PODNL1: variants seen among roughly 807,000 people sequenced by gnomAD.
The protein encoded by PODNL1 is podocan like 1.
A neutral mutation model predicts 45.1 loss-of-function variants in PODNL1; 50 were observed. The ratio of observed to expected loss-of-function variants is 1.11; its 90% CI spans 0.88 to 1.40. The LOEUF (loss-of-function observed/expected upper bound fraction) is 1.40. Among genes scored for constraint, PODNL1 ranks in the 40% most tolerant of loss-of-function variants. The pLI is 0.00. For synonymous variants in PODNL1, 406 were observed against 372.5 expected (o/e 1.09, Z -1.04); for missense variants, 788 against 793.3 (o/e 0.99, Z 0.08).
upstream of PODNL1, among the ~76,000 whole-genome samples, chr19:13,938,781 C>T (rs2066883824): frequency 6.6e-6 from 1 of 151,984 alleles, no homozygotes; most frequent in African/African-American, 2.4e-5. Flanking sequence ...TGGCCACAGC[C>T]GCCTGGAAGG....
upstream of PODNL1, among the ~76,000 whole-genome samples, chr19:13,939,527 G>T (rs1311018997): frequency 6.6e-6 from 1 of 152,054 alleles, no homozygotes; most frequent in African/African-American, 2.4e-5. Flanking sequence ...GATCTCTTGA[G>T]GCCAGGAATT....
In PODNL1 at chr19:13,934,320, G is replaced by A; in HGVS notation, c.585C>T (p.Leu195=). The A allele has an allele frequency of 6.4e-7, 1 of 1,553,062 alleles. No individual in the cohort carries two copies. Among genetic ancestry groups the A allele is most frequent in the Non-Finnish European group, 8.7e-7 (1 of 1,154,168 alleles). ...RGSEAIATLS[L]SNNQLSYLPP... is the part of the protein sequence containing the mutation. Reference sequence around the variant, plus strand: ...GCAGGTAGCTGAGCTGGTTGTTGGAGAGGCTGAGGGTGGCGATGGCCTCGG... The same window carrying A: ...GCAGGTAGCTGAGCTGGTTGTTGGAAAGGCTGAGGGTGGCGATGGCCTCGG... Residue 195 remains leucine, a synonymous_variant, in exon 6 of 10, where the codon CTC becomes CTT. Transcript: ENST00000588872.
upstream of PODNL1, among the ~76,000 whole-genome samples, chr19:13,940,597 C>T (rs1475415017): frequency 3.2e-5 from 3 of 92,864 alleles, no homozygotes; most frequent in Non-Finnish European, 4.4e-5. Flanking sequence ...AAAAACTTAG[C>T]GGGGGCCAGG....
intron 1 of PODNL1, among the ~76,000 whole-genome samples, chr19:13,946,505 G>A (rs1257542083): frequency 6.6e-6 from 1 of 151,988 alleles, no homozygotes; most frequent in East Asian, 1.9e-4. Flanking sequence ...GCAATGAGGA[G>A]TTAGGACCAC....
At chr19:13,935,530 T>C (rs1242721220) in intron 5 of PODNL1, among the ~76,000 whole-genome samples, 191 bp downstream of exon 5, 1 of 152,140 alleles carries the variant, frequency 6.6e-6, no homozygotes, top group Non-Finnish European at 1.5e-5. Context: ...TTTCATCATG[T>C]TGGCCAGGCT....
intron 5 of PODNL1, among the ~76,000 whole-genome samples, chr19:13,935,471 C>A (rs545614947): frequency 6.6e-6 from 1 of 152,036 alleles, no homozygotes; most frequent in African/African-American, 2.4e-5. Context: ...GGATTACAGG[C>A]GCACACCACC....
chr19:13,932,147 C>T (rs1971988272), intron 8 of PODNL1, 35 bp from the exon 9 acceptor site: 1 of 1,234,518 alleles, frequency 8.1e-7, no homozygotes, highest in African/African-American at 1.6e-5. Context: ...TCGTGGCAGC[C>T]CCAGGCCTGG....
rs996186522 is a variant in PODNL1, at chr19:13,931,694, G to A, written c.*43C>T. ...TTGTCTCCTCAGTCCACGGCCCAGC[G>A]GAGTCCCAGGAGTCTGAGCTGCTCT... On this transcript the variant is annotated 3_prime_UTR_variant, in exon 10 of 10. Transcript: ENST00000588872. 4.1e-5 allele frequency: 51 copies of A among 1,231,278 alleles called. No homozygotes were observed. Among genetic ancestry groups the A allele is most frequent in the East Asian group, 1.6e-4 (5 of 31,700 alleles). The allele number at this position is 1,231,278 out of a possible 1,614,324, so 76.3% of individuals were successfully genotyped here.
Position 13,936,382 on chromosome 19 carries a change from GGTT to G in PODNL1, c.301_303del (p.Asn101del), listed in dbSNP as rs756877773. 8 of 1,612,920 alleles carry G rather than the reference GGTT, an allele frequency of 5.0e-6. No individual in the cohort carries two copies. The highest frequency in any genetic ancestry group is 6.8e-6 in the Non-Finnish European group (8 of 1,179,172). On this transcript the variant is annotated inframe_deletion, in exon 3 of 10. Coordinates refer to ENST00000588872, the MANE Select transcript of PODNL1 (RefSeq NM_001370095.3). ...GCCCCCTCACCTTCGGAGGAGATGA[GGTT>G]GTTGTGGAGGTTGAGGGTTCGCAGG...
rs1451193791 is a variant in PODNL1 at position 13,932,936 on chromosome 19, C to T, written c.1287G>A (p.Leu429=). The change falls in exon 8 of 10, where the codon CTG becomes CTA. Residue 429 remains leucine (L), a synonymous_variant. Transcript: ENST00000588872. ...GLPTGLRTLQ[L]QRNQLRMLEP... is the part of the protein sequence containing the mutation. ...CGAGCATCCGCAGCTGGTTGCGTTGCAGCTGCAGGGTGCGCAGGCCAGTGG... is the reference window on the plus strand; with the variant it reads ...CGAGCATCCGCAGCTGGTTGCGTTGTAGCTGCAGGGTGCGCAGGCCAGTGG... 5 of 1,569,242 alleles carry T rather than the reference C, an allele frequency of 3.2e-6. No individual in the cohort carries two copies. In the Admixed American group the frequency reaches 5.6e-5, roughly 18 times the overall value.
chr19:13,938,040 C>A, intron 1 of PODNL1, 34 bp from the exon 2 acceptor site: 1 of 1,469,002 alleles, frequency 6.8e-7, no homozygotes, highest in South Asian at 1.3e-5. Context: ...TGTCTCCAGG[C>A]TGGGCGCAGG....
chr19:13,945,905 T>G (rs1251617029), intron 1 of PODNL1, among the ~76,000 whole-genome samples: 1 of 148,322 alleles, frequency 6.7e-6, no homozygotes, highest in African/African-American at 2.5e-5. Flanking sequence ...AAAAACAAAC[T>G]TTTTAATTAG....
At chr19:13,938,578 G>C (rs1972535053), upstream of PODNL1, 1 of 600,046 alleles carries the variant, frequency 1.7e-6, no homozygotes, top group South Asian at 6.9e-5. Flanking sequence ...TGGAGGGATG[G>C]GGGGAGCTTC....
At chr19:13,934,039 AG>A in intron 6 of PODNL1, 46 bp from the exon 7 acceptor site, 1 of 1,526,812 alleles carries the variant, frequency 6.5e-7, no homozygotes, top group Non-Finnish European at 8.9e-7. Flanking sequence ...GGATGAGGGC[AG>A]CGGGAAGCCA....
rs1971972390 is a variant in PODNL1 at position 13,931,960 on chromosome 19, G to T, written c.1574+4C>A. The T allele has an allele frequency of 2.4e-6, 3 of 1,232,308 alleles. No homozygotes were observed. Among genetic ancestry groups the T allele is most frequent in the African/African-American group, 3.1e-5 (2 of 64,534 alleles). 76.3% of individuals were successfully genotyped at this position (1,232,308 alleles called of 1,614,324 possible). A position where few individuals can be genotyped will look rare whatever the true frequency, so the allele number is the denominator to read the frequency against. ...CTCCACCCCTCCGGTCACCCTCGGG[G>T]CACCTGAGGAAGAGGGCACGCAGGC... On this transcript the variant is annotated splice_donor_region_variant and intron_variant, in intron 9 of 9. Transcript: ENST00000588872.
chr19:13,931,908 G>A, intron 9 of PODNL1, 21 bp from the exon 10 acceptor site: 1 of 1,232,048 alleles, frequency 8.1e-7, no homozygotes. Flanking sequence ...AGGCGGTCAT[G>A]ACCCTCCCAG....
rs1023772517 is a variant in PODNL1, at chr19:13,934,594, G to C, written c.495-184C>G. 5.9e-5 allele frequency among the ~76,000 whole-genome samples: 9 copies of C among 152,138 alleles called. No individual in the cohort carries two copies. In the South Asian group the frequency reaches 8.3e-4, roughly 14 times the overall value. On this transcript the variant is annotated intron_variant, in intron 5 of 9. Coordinates refer to ENST00000588872, the MANE Select transcript of PODNL1 (RefSeq NM_001370095.3). Reference sequence around the variant, plus strand: ...TGTGTGCATGTGACTGTGCGTAGGTGTGCAGGTGAGTGTGCATGTGTGTTG... The same window carrying C: ...TGTGTGCATGTGACTGTGCGTAGGTCTGCAGGTGAGTGTGCATGTGTGTTG...
In PODNL1 at chr19:13,933,367, G is replaced by T; in HGVS notation, c.856C>A (p.His286Asn). Reference protein sequence around the residue: ...AGLPRTLAILHLGRNRIRQVE... With the variant: ...AGLPRTLAILNLGRNRIRQVE... ...TGCCGGATGCGGTTGCGGCCCAGGT[G>T]CAGGATAGCCAGGGTCCGGGGCAGG... Residue 286 changes from histidine (H) to asparagine (N), a missense_variant, in exon 8 of 10, where the codon CAC becomes AAC. Physicochemically the swap from His to Asn is moderately conservative, Grantham distance 68. Transcript: ENST00000588872. This position sits in a 1 kb window ranked among gnomAD's most constrained non-coding sequence, Gnocchi z 5.2. 1 of 1,608,290 alleles carries T rather than the reference G, an allele frequency of 6.2e-7. No individual in the cohort carries two copies.
intron 1 of PODNL1, among the ~76,000 whole-genome samples, chr19:13,947,692 C>T (rs1192871960): frequency 6.6e-6 from 1 of 152,070 alleles, no homozygotes; most frequent in African/African-American, 2.4e-5. Context: ...TGACTTCTCC[C>T]TAGTCTTCCT....
Sources: gnomAD v4.1 joint callset for allele counts (sites outside exome capture counted in the v4.1 genomes callset) on GRCh38, gnomAD v4.1.1 for gene constraint, Gnocchi (gnomAD v3.1) non-coding constraint, MANE v1.5 for transcripts, NCBI Gene and HGNC (gene_info 2026-07-23, HGNC 2026-07-21) for gene names.